The following FBLN1 variants were observed in gnomAD, a reference collection of about 807,000 sequenced individuals.
FBLN1 encodes the protein fibulin-1.
A neutral mutation model predicts 89.7 loss-of-function variants in FBLN1; 34 were observed. The ratio of observed to expected loss-of-function variants is 0.38; its 90% CI spans 0.29 to 0.50. The LOEUF is 0.50. FBLN1 is among the 20% of genes least tolerant of loss of function. The probability of loss-of-function intolerance (pLI) is 0.92; values close to 1 mark genes in which losing one functional copy is unlikely to be tolerated. For synonymous variants in FBLN1, 393 were observed against 391.3 expected (o/e 1.00, Z -0.05); for missense variants, 777 against 988.1 (o/e 0.79, Z 2.86).
chr22:45,560,390 C>G (rs1569256721), intron 14 of FBLN1, among the ~76,000 whole-genome samples: 1 of 152,202 alleles, frequency 6.6e-6, no homozygotes, highest in Non-Finnish European at 1.5e-5. Context: ...TCTGAATCCT[C>G]CCAACTTGGT....
At chr22:45,521,263 G>A (rs1479706275) in intron 2 of FBLN1, among the ~76,000 whole-genome samples, 1 of 152,186 alleles carries the variant, frequency 6.6e-6, no homozygotes, top group African/African-American at 2.4e-5. Context: ...TTTAAGTGCG[G>A]GTGCAAGTCC....
chr22:45,563,491 G>T lies in FBLN1; in HGVS notation c.1698-11020G>T, dbSNP rs2088874631. 38 of 902,942 alleles carry T rather than the reference G, an allele frequency of 4.2e-5. No homozygotes were observed. In the South Asian group the frequency reaches 6.1e-4, roughly 15 times the overall value. 55.9% of individuals were successfully genotyped at this position (902,942 alleles called of 1,614,324 possible). A position where few individuals can be genotyped will look rare whatever the true frequency, so the allele number is the denominator to read the frequency against. On this transcript the variant is annotated intron_variant, in intron 14 of 16. Transcript: ENST00000327858. The surrounding 1 kb of genome is among the most constrained non-coding windows in gnomAD (Gnocchi z 5.7). ...ACTGAGGAGCGCTCCCCACTAGAGG[G>T]TGTGTGCTCGGGGGTCCCTGTTCAC...
At chr22:45,511,744 C>T (rs966481038) in intron 1 of FBLN1, among the ~76,000 whole-genome samples, 2 of 152,038 alleles carry the variant, frequency 1.3e-5, no homozygotes, top group Non-Finnish European at 2.9e-5. Context: ...CCACTGCTCC[C>T]GGCCTCTTCC....
chr22:45,510,745 G>A (rs547294266), intron 1 of FBLN1, among the ~76,000 whole-genome samples: 15 of 152,226 alleles, frequency 9.9e-5, no homozygotes, highest in African/African-American at 3.4e-4. Context: ...CATGGTCCCC[G>A]CAGGCCATGT....
intron 14 of FBLN1, among the ~76,000 whole-genome samples, chr22:45,553,763 G>A (rs557906791): frequency 2.4e-3 from 361 of 152,326 alleles, no homozygotes; most frequent in Non-Finnish European, 4.6e-3. Context: ...GCCTCCAGGG[G>A]AGGAGTGACC....
At chr22:45,599,843 G>A (rs1263588433) in intron 16 of FBLN1, among the ~76,000 whole-genome samples, 1 of 152,132 alleles carries the variant, frequency 6.6e-6, no homozygotes, top group African/African-American at 2.4e-5. Context: ...CTTGAACCCG[G>A]GAGGTGGACG....
In FBLN1 at chr22:45,577,682, C is replaced by G. The variant is rs2089009388; in HGVS notation, c.1972+574C>G. Among the ~76,000 whole-genome samples the G allele has an allele frequency of 1.3e-5, 2 of 152,208 alleles. No homozygotes were observed. The highest frequency in any genetic ancestry group is 2.1e-4 in the South Asian group (1 of 4,828). On this transcript the variant is annotated intron_variant, in intron 16 of 16. Transcript: ENST00000327858. This position sits in a 1 kb window ranked among gnomAD's most constrained non-coding sequence, Gnocchi z 6.6. Reference sequence around the variant, plus strand: ...GTGCACAGCCCATCTGAATGGGGAGCTCACTGCTCTTTCTCCCTGGAGATC... The same window carrying G: ...GTGCACAGCCCATCTGAATGGGGAGGTCACTGCTCTTTCTCCCTGGAGATC...
At position 45,549,619 on chromosome 22, in the gene FBLN1, C is replaced by T. The variant is rs1300253715; in HGVS notation, c.1574-873C>T. 3.3e-5 allele frequency among the ~76,000 whole-genome samples: 5 copies of T among 152,204 alleles called. No individual in the cohort carries two copies. Among genetic ancestry groups the T allele is most frequent in the Admixed American group, 6.5e-5 (1 of 15,284 alleles). ...GCTCCCTCACCACAGCCTGGGGTCC[C>T]GCCCAGACTCAGCATAAACACATTC... is the stretch of plus-strand genomic sequence containing the variant. On this transcript the variant is annotated intron_variant, in intron 13 of 16. Coordinates refer to ENST00000327858, the MANE Select transcript of FBLN1 (RefSeq NM_006486.3). This position sits in a 1 kb window ranked among gnomAD's most constrained non-coding sequence, Gnocchi z 5.7.
At chr22:45,507,158 GGGGCTGGGCCTAGAGCT>G (rs1047437855) in intron 1 of FBLN1, among the ~76,000 whole-genome samples, 1 of 152,136 alleles carries the variant, frequency 6.6e-6, no homozygotes, top group Non-Finnish European at 1.5e-5. Context: ...GAGCGGGGCT[GGGGCTGGGCCTAGAGCT>G]GGGCTGGGCC....
In FBLN1 at chr22:45,581,788, C is replaced by T. The variant is rs767874754; in HGVS notation, c.1972+4680C>T. 3.9e-5 allele frequency among the ~76,000 whole-genome samples: 6 copies of T among 152,088 alleles called. No homozygotes were observed. Among genetic ancestry groups the T allele is most frequent in the Non-Finnish European group, 7.4e-5 (5 of 68,018 alleles). On this transcript the variant is annotated intron_variant, in intron 16 of 16. Transcript: ENST00000327858. The surrounding 1 kb of genome is among the most constrained non-coding windows in gnomAD (Gnocchi z 7.6). ...CAGACAAGTGGGACACCCAAACTCA[C>T]AGCCACGTCTGTGGCTGGCCCATGA...
rs575149802 is a variant in FBLN1 at position 45,525,832 on chromosome 22, G to A, written c.321+154G>A. 1.6e-4 allele frequency among the ~76,000 whole-genome samples: 24 copies of A among 152,306 alleles called. 2 individuals carry two copies. In the South Asian group the frequency reaches 1.7e-3, roughly 11 times the overall value. ...GGGTTCCTGGGCCAGGAGGGAGGTG[G>A]AAAACCCCACTGTTTCTCCCCCTCC... is the stretch of plus-strand genomic sequence containing the variant. On this transcript the variant is annotated intron_variant, in intron 3 of 16. Coordinates refer to ENST00000327858, the MANE Select transcript of FBLN1 (RefSeq NM_006486.3).
chr22:45,506,636 A>T (rs541583146), intron 1 of FBLN1, among the ~76,000 whole-genome samples: 1 of 152,290 alleles, frequency 6.6e-6, no homozygotes, highest in South Asian at 2.1e-4. Context: ...TGTTCCTGGC[A>T]GGGGAAATGG....
chr22:45,593,214 G>A (rs2089154760), intron 16 of FBLN1, among the ~76,000 whole-genome samples: 1 of 119,378 alleles, frequency 8.4e-6, no homozygotes, highest in African/African-American at 3.2e-5. Context: ...AGACAATCAA[G>A]TGCAACATCA....
intron 1 of FBLN1, among the ~76,000 whole-genome samples, chr22:45,507,474 A>C (rs1310963018): frequency 6.6e-6 from 1 of 152,200 alleles, no homozygotes; most frequent in Non-Finnish European, 1.5e-5. Context: ...CAATGTCGTC[A>C]TCTCAGCAGC....
Position 45,577,911 on chromosome 22 carries a change from C to G in FBLN1, c.1972+803C>G, listed in dbSNP as rs566090039. On this transcript the variant is annotated intron_variant, in intron 16 of 16. Transcript: ENST00000327858. This position sits in a 1 kb window ranked among gnomAD's most constrained non-coding sequence, Gnocchi z 6.6. ...CTTGTTTCTGTCATTCACAGCCCCTCTCCTGAACTGTCACATTTTAAAAGA... is the reference window on the plus strand; with the variant it reads ...CTTGTTTCTGTCATTCACAGCCCCTGTCCTGAACTGTCACATTTTAAAAGA... The G allele has an allele frequency of 2.0e-4, 31 of 153,502 alleles. No individual in the cohort carries two copies. The highest frequency in any genetic ancestry group is 7.2e-4 in the African/African-American group (30 of 41,594). The allele number at this position is 153,502 out of a possible 1,614,324, so 9.5% of individuals were successfully genotyped here.
intron 14 of FBLN1, among the ~76,000 whole-genome samples, chr22:45,554,442 TC>T (rs1315854766): frequency 6.6e-6 from 1 of 152,090 alleles, no homozygotes; most frequent in Non-Finnish European, 1.5e-5. Flanking sequence ...TTTGGGCCCC[TC>T]CCAGGCAGGA....
At chr22:45,589,370 C>G (rs559303999) in intron 16 of FBLN1, among the ~76,000 whole-genome samples, 9 of 152,216 alleles carry the variant, frequency 5.9e-5, no homozygotes, top group African/African-American at 2.2e-4. Flanking sequence ...GTCCTGAAAT[C>G]TCAGTTGTCA....
intron 1 of FBLN1, among the ~76,000 whole-genome samples, chr22:45,506,240 G>C (rs548204182): frequency 6.6e-6 from 1 of 152,318 alleles, no homozygotes; most frequent in South Asian, 2.1e-4. Context: ...CCCCAGAATT[G>C]TTTTCCCCAA....
chr22:45,574,741 G>A lies in FBLN1; in HGVS notation c.1840+88G>A. 2.2e-6 allele frequency: 2 copies of A among 921,566 alleles called. No homozygotes were observed. The highest frequency in any genetic ancestry group is 1.4e-5 in the South Asian group (1 of 72,340). The allele number at this position is 921,566 out of a possible 1,614,324, so 57.1% of individuals were successfully genotyped here. The stretch of plus-strand genomic sequence containing the variant: ...GCTTGGCCTACAGGAGTTGTTCCTT[G>A]TAAGATGTGGCCCAGGCTTTGAAAT... On this transcript the variant is annotated intron_variant, in intron 15 of 16. Coordinates refer to ENST00000327858, the MANE Select transcript of FBLN1 (RefSeq NM_006486.3). This position sits in a 1 kb window ranked among gnomAD's most constrained non-coding sequence, Gnocchi z 4.1.
Sources: gnomAD v4.1 joint callset for allele counts (sites outside exome capture counted in the v4.1 genomes callset) on GRCh38, gnomAD v4.1.1 for gene constraint, Gnocchi (gnomAD v3.1) non-coding constraint, MANE v1.5 for transcripts, NCBI Gene and HGNC (gene_info 2026-07-23, HGNC 2026-07-21) for gene names.